The following PRSS12 variants were observed in gnomAD, a reference collection of about 807,000 sequenced individuals.
PRSS12 encodes the protein serine protease 12.
In PRSS12, 85 loss-of-function variants were observed where a neutral mutation model predicts 104.4. That is an observed-to-expected ratio of 0.81 (90% CI 0.68 to 0.98). PRSS12 has a LOEUF of 0.98. Among genes scored for constraint, PRSS12 ranks in the 50% least tolerant of loss-of-function variants. PRSS12 has a pLI of 0.00. For synonymous variants in PRSS12, 454 were observed against 425.2 expected (o/e 1.07, Z -0.83); for missense variants, 1,141 against 1,139.2 (o/e 1.00, Z -0.02).
chr4:118,338,191 T>C lies in PRSS12; in HGVS notation c.626A>G (p.His209Arg), dbSNP rs1421945192. The change falls in exon 2 of 13, where the codon CAC becomes CGC. Residue 209 changes from histidine (H) to arginine (R), a missense_variant. Transcript: ENST00000296498. Reference protein sequence around the residue: ...WDDSDASVICHQLQLGGKGIA... With the variant: ...WDDSDASVICRQLQLGGKGIA... ...GTACACTCACCCCAGCTGCAGCTGG[T>C]GACAAATGACTGATGCATCAGAATC... 2 of 1,613,950 alleles carry C rather than the reference T, an allele frequency of 1.2e-6. No individual in the cohort carries two copies. The highest frequency in any genetic ancestry group is 3.3e-4 in the Middle Eastern group (2 of 6,062).
At chr4:118,322,215 G>C (rs1301671649) in intron 4 of PRSS12, among the ~76,000 whole-genome samples, 1 of 152,096 alleles carries the variant, frequency 6.6e-6, no homozygotes, top group Non-Finnish European at 1.5e-5. Flanking sequence ...ATTACTTATA[G>C]TAGAAAAAAT....
chr4:118,301,593 T>C (rs1412218648), intron 8 of PRSS12, among the ~76,000 whole-genome samples: 2 of 152,210 alleles, frequency 1.3e-5, no homozygotes, highest in Non-Finnish European at 2.9e-5. Context: ...CTATTTTGTC[T>C]TCACATTCAG....
chr4:118,346,019 G>A (rs1370118556), intron 1 of PRSS12, among the ~76,000 whole-genome samples: 1 of 152,202 alleles, frequency 6.6e-6, no homozygotes, highest in East Asian at 1.9e-4. Flanking sequence ...ATGAAATGTG[G>A]AAGTCTGTGG....
chr4:118,325,737 T>A (rs1723753492), intron 4 of PRSS12, among the ~76,000 whole-genome samples: 1 of 152,088 alleles, frequency 6.6e-6, no homozygotes, highest in African/African-American at 2.4e-5. Flanking sequence ...GTGTGTTCTC[T>A]GTCCTTCATG....
At chr4:118,315,854 A>T (rs1743892353) in intron 6 of PRSS12, among the ~76,000 whole-genome samples, 3 of 152,232 alleles carry the variant, frequency 2.0e-5, no homozygotes, top group Admixed American at 1.3e-4. Context: ...AAAACTAAAA[A>T]CATCCAATAG....
At chr4:118,335,796 T>C (rs1379225892) in intron 2 of PRSS12, 145 bp from the exon 3 acceptor site, 3 of 792,212 alleles carry the variant, frequency 3.8e-6, no homozygotes, top group African/African-American at 3.5e-5. Context: ...CACAAAAGAC[T>C]ACATCAGTTT....
chr4:118,344,888 G>A (rs1724318688), intron 1 of PRSS12, among the ~76,000 whole-genome samples: 1 of 152,134 alleles, frequency 6.6e-6, no homozygotes, highest in South Asian at 2.1e-4. Context: ...CACAAATTGT[G>A]TGTCCCCAGA....
chr4:118,299,060 TA>T, intron 8 of PRSS12, 122 bp from the exon 9 acceptor site: 2 of 1,124,042 alleles, frequency 1.8e-6, no homozygotes, highest in Non-Finnish European at 2.6e-6. Flanking sequence ...CTGCATGTGC[TA>T]AAAACCATTT....
At chr4:118,316,837 A>AAAAAAATATATATATATATAT (rs35698159) in intron 5 of PRSS12, among the ~76,000 whole-genome samples, 1 of 99,194 alleles carries the variant, frequency 1.0e-5, no homozygotes, top group Non-Finnish European at 2.0e-5. Context: ...AAAAAAAAAA[A>AAAAAAATATATATATATATAT]ATATATATAT....
chr4:118,284,799 A>G lies in PRSS12; in HGVS notation c.2040-1688T>C, dbSNP rs540486897. Among the ~76,000 whole-genome samples the G allele has an allele frequency of 5.3e-5, 8 of 152,172 alleles. No individual in the cohort carries two copies. In the South Asian group the frequency reaches 1.7e-3, roughly 32 times the overall value. ...CTCCAGCCCTGGTTTCATCAGCTCT[A>G]CCTATTTTGTGCCGGCATCTAACTG... On this transcript the variant is annotated intron_variant, in intron 11 of 12. Transcript: ENST00000296498.
chr4:118,324,311 T>C lies in PRSS12; in HGVS notation c.972-5755A>G, dbSNP rs191617965. The stretch of plus-strand genomic sequence containing the variant: ...AGCTCAAGATCACTAGTGGTAAAAT[T>C]AAACAATAATGCATGCTTACCTATC... On this transcript the variant is annotated intron_variant, in intron 4 of 12. Transcript: ENST00000296498. Among the ~76,000 whole-genome samples, 8 of 152,146 alleles carry C rather than the reference T, an allele frequency of 5.3e-5. No homozygotes were observed. In the East Asian group the frequency reaches 1.5e-3, roughly 29 times the overall value.
At chr4:118,313,172 G>A (rs1284998805) in intron 7 of PRSS12, 29 bp downstream of exon 7, 3 of 1,610,088 alleles carry the variant, frequency 1.9e-6, no homozygotes, top group South Asian at 1.1e-5. Flanking sequence ...CTGAATGATG[G>A]AAACTTGAGA....
intron 11 of PRSS12, among the ~76,000 whole-genome samples, chr4:118,290,718 T>TA (rs1020306196): frequency 6.6e-6 from 1 of 152,084 alleles, no homozygotes; most frequent in African/African-American, 2.4e-5. Flanking sequence ...TCTGCAAAGT[T>TA]AAACAATTAA....
At chr4:118,305,965 A>C (rs1010315227) in intron 8 of PRSS12, 1 of 152,174 alleles carries the variant, frequency 6.6e-6, no homozygotes, top group African/African-American at 2.4e-5. Flanking sequence ...TCATCCATTC[A>C]TTTAGGCTGT....
chr4:118,310,081 T>TG (rs1275301322), intron 7 of PRSS12, among the ~76,000 whole-genome samples: 1 of 152,212 alleles, frequency 6.6e-6, no homozygotes, highest in Non-Finnish European at 1.5e-5. Context: ...GATAAAAACT[T>TG]GGAGTTTTAG....
At chr4:118,326,962 A>G (rs968019287) in intron 4 of PRSS12, among the ~76,000 whole-genome samples, 2 of 152,198 alleles carry the variant, frequency 1.3e-5, no homozygotes, top group Non-Finnish European at 2.9e-5. Context: ...ATAGACTAAC[A>G]CTAACAATAG....
At chr4:118,344,334 G>C (rs760214461) in intron 1 of PRSS12, among the ~76,000 whole-genome samples, 13 of 151,906 alleles carry the variant, frequency 8.6e-5, no homozygotes, top group Non-Finnish European at 1.5e-4. Flanking sequence ...AACTGAATTG[G>C]GGGACTCTTG....
At chr4:118,285,719 T>G (rs1742998504) in intron 11 of PRSS12, among the ~76,000 whole-genome samples, 1 of 152,214 alleles carries the variant, frequency 6.6e-6, no homozygotes, top group African/African-American at 2.4e-5. Context: ...ATATCTCAAC[T>G]TTTCTATTAG....
chr4:118,331,735 A>C lies in PRSS12; in HGVS notation c.952T>G (p.Cys318Gly). 2.5e-6 allele frequency: 4 copies of C among 1,614,198 alleles called. No individual in the cohort carries two copies. The highest frequency in any genetic ancestry group is 3.4e-6 in the Non-Finnish European group (4 of 1,180,036). ...ACAAACCTGAGGCCCAGCTGCCTGC[A>C]GATCACTTCTGCATCGGCATCATCC... ...QWDDADAEVICRQLGLSGIAK... is the reference protein window; with the variant it reads ...QWDDADAEVIGRQLGLSGIAK... Residue 318 changes from cysteine to glycine, a missense_variant, in exon 4 of 13, where the codon TGC (cysteine) becomes GGC (glycine). Transcript: ENST00000296498.
Sources: gnomAD v4.1 joint callset for allele counts (sites outside exome capture counted in the v4.1 genomes callset) on GRCh38, gnomAD v4.1.1 for gene constraint, MANE v1.5 for transcripts, NCBI Gene and HGNC (gene_info 2026-07-23, HGNC 2026-07-21) for gene names.